The following SPTAN1 variants were observed in gnomAD, a reference collection of about 807,000 sequenced individuals.
SPTAN1 encodes spectrin alpha, non-erythrocytic 1.
SPTAN1 carries 61 observed loss-of-function variants against 331.3 expected under a neutral mutation model. The ratio of observed to expected loss-of-function variants is 0.18; its 90% confidence interval spans 0.15 to 0.23. SPTAN1 has a LOEUF of 0.23. SPTAN1 is among the 10% of genes least tolerant of loss of function. The probability of loss-of-function intolerance (pLI) is 1.00; values close to 1 mark genes in which losing one functional copy is unlikely to be tolerated. For synonymous variants in SPTAN1, 1,153 were observed against 1,173.9 expected (o/e 0.98, Z 0.36); for missense variants, 2,043 against 3,147.9 (o/e 0.65, Z 8.40).
At position 128,633,365 on chromosome 9, in the gene SPTAN1, C is replaced by G; in HGVS notation, c.*31C>G. 1 of 1,613,344 alleles carries G rather than the reference C, an allele frequency of 6.2e-7. No individual in the cohort carries two copies. The highest frequency in any genetic ancestry group is 1.3e-5 in the African/African-American group (1 of 75,064). On this transcript the variant is annotated 3_prime_UTR_variant, in exon 57 of 57. Coordinates refer to ENST00000372739, the MANE Select transcript of SPTAN1 (RefSeq NM_001130438.3). ...TCCCTGGGTCACCCACCCCTCGCTG[C>G]TTGCCCTGCGTCGCCTTGCTGCATG...
chr9:128,588,690 T>C, intron 20 of SPTAN1, 119 bp from the exon 21 acceptor site: 1 of 1,397,236 alleles, frequency 7.2e-7, no homozygotes, highest in Non-Finnish European at 1.0e-6. Flanking sequence ...AGTGAAGAAT[T>C]CTCATGAGTG....
In SPTAN1 at chr9:128,577,378, C is replaced by T; in HGVS notation, c.957C>T (p.Asp319=). The change falls in exon 8 of 57, where the codon GAC becomes GAT. Residue 319 remains aspartate, a synonymous_variant. Transcript: ENST00000372739. The surrounding 1 kb of genome is among the most constrained non-coding windows in gnomAD (Gnocchi z 4.2). ...DKVKALCAEA[D]RLQQSHPLSA... The stretch of plus-strand genomic sequence containing the variant: ...TCAAAGCCCTGTGTGCTGAGGCTGA[C>T]CGCCTGCAACAGTCCCACCCTCTGA... 1 of 1,614,196 alleles carries T rather than the reference C, an allele frequency of 6.2e-7. No homozygotes were observed. The highest frequency in any genetic ancestry group is 8.5e-7 in the Non-Finnish European group (1 of 1,180,028).
chr9:128,567,471 T>C (rs1394651078), intron 2 of SPTAN1, among the ~76,000 whole-genome samples: 2 of 151,962 alleles, frequency 1.3e-5, no homozygotes, highest in African/African-American at 4.8e-5. Context: ...TTTGTATTTT[T>C]AGTAGAGATA....
At chr9:128,624,920 G>A (rs1221020485) in intron 46 of SPTAN1, 183 bp from the exon 47 acceptor site, 1 of 673,216 alleles carries the variant, frequency 1.5e-6, no homozygotes, top group Admixed American at 2.1e-5. Context: ...AGCTCGTCAT[G>A]GCACAGATGG....
At position 128,629,463 on chromosome 9, in the gene SPTAN1, G is replaced by C. The variant is rs770834334; in HGVS notation, c.6708-858G>C. On this transcript the variant is annotated intron_variant, in intron 51 of 56. Coordinates refer to ENST00000372739, the MANE Select transcript of SPTAN1 (RefSeq NM_001130438.3). This position sits in a 1 kb window ranked among gnomAD's most constrained non-coding sequence, Gnocchi z 4.9. ...GCACTTTGAACCTGGGGAGATTGCA[G>C]AGCTAACCCTGGCTCGCCGGGTTTT... Among the ~76,000 whole-genome samples the C allele has an allele frequency of 2.6e-5, 4 of 152,162 alleles. No homozygotes were observed. Among genetic ancestry groups the C allele is most frequent in the Non-Finnish European group, 4.4e-5 (3 of 68,024 alleles).
chr9:128,626,681 C>G lies in SPTAN1; in HGVS notation c.6570C>G (p.Ile2190Met). The G allele has an allele frequency of 6.2e-7, 1 of 1,608,596 alleles. No homozygotes were observed. The highest frequency in any genetic ancestry group is 1.3e-5 in the African/African-American group (1 of 74,996). ...LEETWRNLQK[I>M]IKERELELQK... ...AGACCTGGAGGAACCTACAGAAAAT[C>G]ATCAAGGTACACCTCCCGCTGCCCT... The change falls in exon 49 of 57, where the codon ATC becomes ATG. Residue 2190 changes from isoleucine (I) to methionine (M), a missense_variant. Physicochemically the swap from Ile to Met is conservative, Grantham distance 10. Coordinates refer to ENST00000372739, the MANE Select transcript of SPTAN1 (RefSeq NM_001130438.3).
chr9:128,568,994 T>G, intron 3 of SPTAN1, 97 bp downstream of exon 3: 5 of 1,534,094 alleles, frequency 3.3e-6, no homozygotes, highest in Non-Finnish European at 4.5e-6. Flanking sequence ...AAAGATAGAC[T>G]TTTCCAGCTT....
At chr9:128,578,921 C>T (rs1851630442) in intron 9 of SPTAN1, among the ~76,000 whole-genome samples, 1 of 150,642 alleles carries the variant, frequency 6.6e-6, no homozygotes, top group African/African-American at 2.4e-5. Flanking sequence ...TGTTTCTCTA[C>T]ACTAGCAACA....
In SPTAN1 at chr9:128,582,730, A is replaced by G. The variant is rs1344488286; in HGVS notation, c.1687A>G (p.Met563Val). Residue 563 changes from methionine (M) to valine (V), a missense_variant, in exon 14 of 57, where the codon ATG becomes GTG. By Grantham distance (21) the Met-to-Val change is conservative. This residue lies in a region of SPTAN1 where 1,038 missense variants were observed against 1,531.5 expected (regional missense o/e 0.68). Transcript: ENST00000372739. Reference protein sequence around the residue: ...SRRNALHERAMRRRAQLADSF... With the variant: ...SRRNALHERAVRRRAQLADSF... ...CCGCAATGCCCTTCACGAGAGAGCC[A>G]TGCGTCGCCGGGCCCAGCTAGCCGA... is the stretch of plus-strand genomic sequence containing the variant. 3.7e-6 allele frequency: 6 copies of G among 1,613,896 alleles called. No homozygotes were observed. Among genetic ancestry groups the G allele is most frequent in the African/African-American group, 1.3e-5 (1 of 74,932 alleles).
chr9:128,556,568 G>A (rs1481708244), intron 1 of SPTAN1, among the ~76,000 whole-genome samples: 1 of 152,212 alleles, frequency 6.6e-6, no homozygotes, highest in Non-Finnish European at 1.5e-5. Context: ...GCAATCAGAA[G>A]TAAGTTTTCT....
In SPTAN1 at chr9:128,585,890, G is replaced by A. The variant is rs1369176159; in HGVS notation, c.2703G>A (p.Glu901=). The change falls in exon 19 of 57, where the codon GAG becomes GAA. Residue 901 remains glutamate (E), a synonymous_variant. Transcript: ENST00000372739. The stretch of plus-strand genomic sequence containing the variant: ...AGCAGTACTTTGCTGATGCTAACGA[G>A]GCTGAATCCTGGATGCGGGAGAAGG... ...QAQQYFADAN[E]AESWMREKEP... 1 of 1,614,040 alleles carries A rather than the reference G, an allele frequency of 6.2e-7. No individual in the cohort carries two copies. Among genetic ancestry groups the A allele is most frequent in the South Asian group, 1.1e-5 (1 of 91,078 alleles).
At chr9:128,582,383 G>T in intron 12 of SPTAN1, 96 bp from the exon 13 acceptor site, 1 of 1,051,440 alleles carries the variant, frequency 9.5e-7, no homozygotes, top group Non-Finnish European at 1.5e-6. Context: ...TTAAAGTTTG[G>T]TGTGTTTTAT....
At chr9:128,562,882 G>A (rs181327424) in intron 1 of SPTAN1, among the ~76,000 whole-genome samples, 341 of 150,054 alleles carry the variant, frequency 2.3e-3, no homozygotes, top group Middle Eastern at 0.014. Flanking sequence ...GGAGAATGGC[G>A]TGAACCCAGG....
chr9:128,586,158 G>A (rs1202374107), intron 19 of SPTAN1, among the ~76,000 whole-genome samples, 193 bp downstream of exon 19: 1 of 101,370 alleles, frequency 9.9e-6, no homozygotes, highest in Admixed American at 1.6e-4. Flanking sequence ...TCTCACTCTT[G>A]CCCAGGCTGG....
chr9:128,624,767 G>A, intron 46 of SPTAN1: 1 of 565,366 alleles, frequency 1.8e-6, no homozygotes, highest in Non-Finnish European at 3.2e-6. Flanking sequence ...CATGAACAAA[G>A]TTGGCACAGC....
intron 9 of SPTAN1, among the ~76,000 whole-genome samples, chr9:128,578,814 A>G: frequency 7.2e-6 from 1 of 138,768 alleles, no homozygotes; most frequent in Admixed American, 7.7e-5. Context: ...GGACAACAAG[A>G]GTGTTTCACT....
chr9:128,578,074 G>A lies in SPTAN1; in HGVS notation c.1086-36G>A, dbSNP rs377424316. ...GGCCATTTTCCACCCTGGAACCTCC[G>A]CTGGAAACATAATGTCTTCCTTTGG... On this transcript the variant is annotated intron_variant, in intron 8 of 56. Transcript: ENST00000372739. The A allele has an allele frequency of 9.9e-5, 159 of 1,613,624 alleles. No homozygotes were observed. In the African/African-American group the frequency reaches 1.5e-3, roughly 15 times the overall value.
chr9:128,568,887 A>C lies in SPTAN1; in HGVS notation c.353A>C (p.Glu118Ala), dbSNP rs1360328239. 4 of 1,614,012 alleles carry C rather than the reference A, an allele frequency of 2.5e-6. No individual in the cohort carries two copies. The Admixed American group carries it at 5.0e-5, about 20-fold the overall frequency. ...LMISEGHFAS[E>A]TIRTRLMELH... The stretch of plus-strand genomic sequence containing the variant: ...ATCTCAGAAGGGCATTTTGCATCTG[A>C]AACCATACGGGTGAGTATGAGTAGC... The change falls in exon 3 of 57, where the codon GAA becomes GCA. Residue 118 changes from glutamate (E) to alanine (A), a missense_variant. By Grantham distance (107) the Glu-to-Ala change is moderately radical. This residue lies in a region of SPTAN1 where 1,038 missense variants were observed against 1,531.5 expected (regional missense o/e 0.68). Transcript: ENST00000372739.
chr9:128,572,414 C>T (rs1226407305), intron 3 of SPTAN1, among the ~76,000 whole-genome samples: 1 of 152,170 alleles, frequency 6.6e-6, no homozygotes, highest in East Asian at 1.9e-4. Flanking sequence ...GCAGTATTTA[C>T]AAGATCAGAC....
Sources: allele counts gnomAD v4.1 joint callset (sites outside exome capture counted in the v4.1 genomes callset), GRCh38; gene constraint gnomAD v4.1.1; regional missense constraint gnomAD v4.1.1; non-coding constraint Gnocchi (gnomAD v3.1); transcripts MANE v1.5; gene names NCBI Gene and HGNC (gene_info 2026-07-23, HGNC 2026-07-21).